GRID2: variants seen among roughly 807,000 people sequenced by gnomAD.
GRID2 encodes the protein glutamate receptor ionotropic, delta-2.
In GRID2, 33 loss-of-function variants were observed where a neutral mutation model predicts 114.8. The observed-to-expected ratio is 0.29, with a 90% CI of 0.22 to 0.38. The LOEUF is 0.38. Ranked by LOEUF, GRID2 falls within the 10% of genes least tolerant of loss-of-function variation. The pLI is 1.00. For missense variants in GRID2, 1,184 were observed against 1,257.7 expected (o/e 0.94, Z 0.89); for synonymous variants, 505 against 449.9 (o/e 1.12, Z -1.55).
chr4:93,455,593 A>G (rs1723107131), intron 10 of GRID2, 69 bp from the exon 11 acceptor site: 1 of 1,056,352 alleles, frequency 9.5e-7, no homozygotes, highest in African/African-American at 1.6e-5. Context: ...CCTCGAGGCA[A>G]GCTGAAGTGG....
intron 8 of GRID2, among the ~76,000 whole-genome samples, chr4:93,328,073 G>A (rs548951968): frequency 5.9e-5 from 9 of 151,686 alleles, no homozygotes; most frequent in East Asian, 1.9e-4. Flanking sequence ...CAGCACTTTC[G>A]CGCCACTGCA....
At chr4:93,515,179 G>T in intron 12 of GRID2, 37 bp from the exon 13 acceptor site, 2 of 935,112 alleles carry the variant, frequency 2.1e-6, no homozygotes, top group Non-Finnish European at 1.6e-6. Context: ...ACTCAGTAAT[G>T]TGTCTCTTGT....
intron 14 of GRID2, among the ~76,000 whole-genome samples, chr4:93,693,526 C>G (rs1726750359): frequency 6.6e-6 from 1 of 152,124 alleles, no homozygotes; most frequent in Non-Finnish European, 1.5e-5. Flanking sequence ...TTTTATATAG[C>G]AGAAATATGA....
intron 2 of GRID2, among the ~76,000 whole-genome samples, chr4:92,676,144 T>C (rs1733347331): frequency 6.9e-6 from 1 of 145,320 alleles, no homozygotes; most frequent in Non-Finnish European, 1.5e-5. Flanking sequence ...TTATGATGCA[T>C]TGTCGTGTCA....
intron 2 of GRID2, among the ~76,000 whole-genome samples, chr4:92,869,581 G>C (rs1427284174): frequency 6.6e-6 from 1 of 152,042 alleles, no homozygotes; most frequent in African/African-American, 2.4e-5. Flanking sequence ...ATTAATGGGG[G>C]AATGAATAAA....
chr4:93,093,398 C>T (rs1730942243), intron 3 of GRID2, among the ~76,000 whole-genome samples: 1 of 152,050 alleles, frequency 6.6e-6, no homozygotes, highest in South Asian at 2.1e-4. Flanking sequence ...AGTCATTAGT[C>T]AGAGTCAGAA....
chr4:92,925,027 T>A (rs558565540), intron 2 of GRID2, among the ~76,000 whole-genome samples: 1 of 152,174 alleles, frequency 6.6e-6, no homozygotes, highest in South Asian at 2.1e-4. Context: ...CTTGCCACAT[T>A]TTAACATATG....
intron 2 of GRID2, among the ~76,000 whole-genome samples, chr4:92,957,185 A>G (rs1752467303): frequency 6.6e-6 from 1 of 152,092 alleles, no homozygotes; most frequent in Non-Finnish European, 1.5e-5. Context: ...TTTTTCTTTC[A>G]TGAATCATGC....
chr4:92,344,051 G>T (rs1727643929), intron 1 of GRID2, among the ~76,000 whole-genome samples: 1 of 152,178 alleles, frequency 6.6e-6, no homozygotes, highest in African/African-American at 2.4e-5. Flanking sequence ...TGTCTCAGAG[G>T]TGGCAGAGGT....
At chr4:93,023,892 A>G (rs1334213321) in intron 2 of GRID2, among the ~76,000 whole-genome samples, 1 of 151,854 alleles carries the variant, frequency 6.6e-6, no homozygotes, top group Non-Finnish European at 1.5e-5. Context: ...ACACTTAACT[A>G]CACAGAACTT....
At chr4:93,769,187 AT>A in intron 14 of GRID2, 22 bp from the exon 15 acceptor site, 1 of 1,612,276 alleles carries the variant, frequency 6.2e-7, no homozygotes, top group African/African-American at 1.3e-5. Flanking sequence ...GTAATAACAC[AT>A]GCTTATGTTC....
intron 8 of GRID2, among the ~76,000 whole-genome samples, chr4:93,329,721 G>A (rs1011527418): frequency 1.3e-5 from 2 of 152,108 alleles, no homozygotes; most frequent in Non-Finnish European, 2.9e-5. Context: ...AAGTGCAACT[G>A]TTAAATATTT....
Position 93,750,741 on chromosome 4 carries a change from A to G in GRID2, c.2361-18469A>G, listed in dbSNP as rs111497396. ...ACTACACTCCAGACTGGGTGACAGC[A>G]CAAGACTCCGTCTCAAAAAAAACAA... On this transcript the variant is annotated intron_variant, in intron 14 of 15. Coordinates refer to ENST00000282020, the MANE Select transcript of GRID2 (RefSeq NM_001510.4). 6.8e-3 allele frequency among the ~76,000 whole-genome samples: 1,041 copies of G among 152,148 alleles called. 14 individuals carry two copies. Among genetic ancestry groups the G allele is most frequent in the African/African-American group, 0.024 (995 of 41,512 alleles).
intron 14 of GRID2, among the ~76,000 whole-genome samples, chr4:93,745,119 C>A (rs1343889477): frequency 6.6e-6 from 1 of 152,074 alleles, no homozygotes; most frequent in African/African-American, 2.4e-5. Context: ...TTACAGTGGT[C>A]CTGAACTGAA....
At chr4:93,389,143 C>T (rs903914123) in intron 8 of GRID2, among the ~76,000 whole-genome samples, 2 of 151,996 alleles carry the variant, frequency 1.3e-5, no homozygotes, top group Admixed American at 1.3e-4. Context: ...AGATGGTACC[C>T]ATGACCTTAA....
intron 8 of GRID2, among the ~76,000 whole-genome samples, chr4:93,371,688 C>A (rs1762926234): frequency 6.7e-6 from 1 of 149,938 alleles, no homozygotes; most frequent in South Asian, 2.1e-4. Flanking sequence ...ATACTCCATA[C>A]ATCACATGTG....
chr4:93,295,373 A>G (rs1257159812), intron 8 of GRID2, among the ~76,000 whole-genome samples: 3 of 152,208 alleles, frequency 2.0e-5, no homozygotes, highest in Admixed American at 6.5e-5. Flanking sequence ...TAAAGCCAGG[A>G]AAGTGTGATA....
intron 2 of GRID2, among the ~76,000 whole-genome samples, chr4:92,958,699 G>C (rs1752593046): frequency 6.6e-6 from 1 of 152,032 alleles, no homozygotes; most frequent in Non-Finnish European, 1.5e-5. Context: ...GAGTTAGAAA[G>C]TATTCACTCT....
intron 1 of GRID2, among the ~76,000 whole-genome samples, chr4:92,582,936 A>G (rs1286226209): frequency 6.6e-6 from 1 of 152,032 alleles, no homozygotes; most frequent in Non-Finnish European, 1.5e-5. Flanking sequence ...GCAGTGAGCC[A>G]TGGCTGTATA....
Sources: gnomAD v4.1 joint callset for allele counts (sites outside exome capture counted in the v4.1 genomes callset) on GRCh38, gnomAD v4.1.1 for gene constraint, MANE v1.5 for transcripts, NCBI Gene and HGNC (gene_info 2026-07-23, HGNC 2026-07-21) for gene names.